CSMD1: variants seen among roughly 807,000 people sequenced by gnomAD.
The protein encoded by CSMD1 is CUB and sushi domain-containing protein 1.
In CSMD1, 213 loss-of-function variants were observed where a neutral mutation model predicts 417.5. The observed-to-expected ratio is 0.51, with a 90% CI of 0.46 to 0.57. The LOEUF (loss-of-function observed/expected upper bound fraction) is 0.57. Ranked by LOEUF, CSMD1 falls within the 20% of genes least tolerant of loss-of-function variation. The pLI is 0.00. For missense variants in CSMD1, 6,923 were observed against 4,529.7 expected (o/e 1.53, Z -15.17); for synonymous variants, 2,862 against 1,736.8 (o/e 1.65, Z -16.11).
intron 3 of CSMD1, among the ~76,000 whole-genome samples, chr8:4,071,215 C>G (rs1272166511): frequency 6.6e-6 from 1 of 151,796 alleles, no homozygotes; most frequent in Admixed American, 6.6e-5. Context: ...TCCGGAGTTT[C>G]AGCTAAACGT....
intron 1 of CSMD1, among the ~76,000 whole-genome samples, chr8:4,664,853 C>T (rs907016554): frequency 6.6e-6 from 1 of 151,996 alleles, no homozygotes; most frequent in African/African-American, 2.4e-5. Flanking sequence ...TACATCCATC[C>T]AAACTTTATA....
intron 25 of CSMD1, among the ~76,000 whole-genome samples, chr8:3,300,504 A>T (rs937324819): frequency 6.6e-6 from 1 of 152,084 alleles, no homozygotes; most frequent in Non-Finnish European, 1.5e-5. Flanking sequence ...GAAATGACTG[A>T]CTCTGCTTTA....
chr8:4,746,754 C>A (rs1386329840), intron 1 of CSMD1, among the ~76,000 whole-genome samples: 1 of 152,164 alleles, frequency 6.6e-6, no homozygotes, highest in Non-Finnish European at 1.5e-5. Context: ...GTAGAACCTT[C>A]ACTACAGCAG....
chr8:4,425,207 A>G (rs1389049878), intron 2 of CSMD1, among the ~76,000 whole-genome samples: 1 of 152,064 alleles, frequency 6.6e-6, no homozygotes, highest in Non-Finnish European at 1.5e-5. Flanking sequence ...TGGTCAAATG[A>G]TATTAGTTCA....
chr8:3,531,188 T>C (rs552101335), intron 10 of CSMD1, among the ~76,000 whole-genome samples: 2 of 152,184 alleles, frequency 1.3e-5, no homozygotes, highest in South Asian at 2.1e-4. Flanking sequence ...ATAAGCATAA[T>C]TTCTGGAGAT....
At chr8:3,991,701 C>T (rs922965572) in intron 5 of CSMD1, among the ~76,000 whole-genome samples, 2 of 152,096 alleles carry the variant, frequency 1.3e-5, no homozygotes. Flanking sequence ...GAGTGGAGTG[C>T]CGACACACTG....
chr8:3,450,201 G>T (rs945939434), intron 12 of CSMD1, among the ~76,000 whole-genome samples: 6 of 152,162 alleles, frequency 3.9e-5, no homozygotes, highest in Non-Finnish European at 8.8e-5. Context: ...TGATAAGATG[G>T]GCCTTAACAT....
At chr8:4,130,491 G>A (rs896633339) in intron 3 of CSMD1, among the ~76,000 whole-genome samples, 4 of 152,124 alleles carry the variant, frequency 2.6e-5, no homozygotes, top group Admixed American at 1.3e-4. Context: ...ACCCTGAGGC[G>A]AGTTGATTTG....
In CSMD1 at chr8:4,637,369, T is replaced by A. The variant is rs758620147; in HGVS notation, c.275A>T (p.Gln92Leu). Residue 92 changes from glutamine (Q) to leucine (L), a missense_variant, in exon 2 of 70, where the codon CAG (glutamine) becomes CTG (leucine). Gln to Leu is a moderately radical substitution (Grantham distance 113, BLOSUM62 -2). Coordinates refer to ENST00000635120, the MANE Select transcript of CSMD1 (RefSeq NM_033225.6). ...CACTTTTAAATTCCCTTGTTGAGGCTGTCCATCGTAAACTGATAAAATATC... is the reference window on the plus strand; with the variant it reads ...CACTTTTAAATTCCCTTGTTGAGGCAGTCCATCGTAAACTGATAAAATATC... The part of the protein sequence containing the change: ...DFDILSVYDG[Q>L]PQQGNLKVRL... The A allele has an allele frequency of 2.5e-6, 4 of 1,613,928 alleles. No individual in the cohort carries two copies. The highest frequency in any genetic ancestry group is 3.4e-6 in the Non-Finnish European group (4 of 1,179,792).
intron 23 of CSMD1, among the ~76,000 whole-genome samples, chr8:3,336,680 G>T (rs895038815): frequency 6.6e-6 from 1 of 152,134 alleles, no homozygotes; most frequent in African/African-American, 2.4e-5. Context: ...CCAGACAGAG[G>T]ACCCAGAGAC....
chr8:3,344,616 C>T, intron 22 of CSMD1, among the ~76,000 whole-genome samples: 1 of 152,098 alleles, frequency 6.6e-6, no homozygotes, highest in East Asian at 1.9e-4. Flanking sequence ...TTCAGTTTGT[C>T]TTAATAGAAA....
intron 5 of CSMD1, among the ~76,000 whole-genome samples, chr8:3,847,361 G>C (rs1023415295): frequency 6.6e-6 from 1 of 152,124 alleles, no homozygotes; most frequent in Non-Finnish European, 1.5e-5. Context: ...GAAGGAAGCA[G>C]AAGTGGTCCC....
At position 4,440,748 on chromosome 8, in the gene CSMD1, C is replaced by G. The variant is rs75874382; in HGVS notation, c.303-20683G>C. On this transcript the variant is annotated intron_variant, in intron 2 of 69. Coordinates refer to ENST00000635120, the MANE Select transcript of CSMD1 (RefSeq NM_033225.6). ...TGGTGGTTCATGCCTATAATCCCAG[C>G]ATTTTGGGAGGCCAGTGCGAGCAGA... Among the ~76,000 whole-genome samples the G allele has an allele frequency of 4.5e-3, 691 of 152,170 alleles. 6 individuals are homozygous for G. Among genetic ancestry groups the G allele is most frequent in the African/African-American group, 0.016 (653 of 41,520 alleles).
chr8:3,779,678 T>C (rs1303650462), intron 5 of CSMD1, among the ~76,000 whole-genome samples: 3 of 152,188 alleles, frequency 2.0e-5, no homozygotes, highest in African/African-American at 7.2e-5. Context: ...ATTTAAAATA[T>C]AGAAAACCAG....
intron 1 of CSMD1, among the ~76,000 whole-genome samples, chr8:4,724,177 T>G (rs535264316): frequency 6.6e-6 from 1 of 152,114 alleles, no homozygotes; most frequent in East Asian, 1.9e-4. Flanking sequence ...AGAATGCTTT[T>G]CATGAGTTTT....
chr8:3,306,246 T>C (rs1442284782), intron 25 of CSMD1, among the ~76,000 whole-genome samples: 1 of 152,040 alleles, frequency 6.6e-6, no homozygotes, highest in African/African-American at 2.4e-5. Flanking sequence ...AGGACAAAAA[T>C]CATTTGTTTA....
At chr8:3,849,886 G>C (rs547796147) in intron 5 of CSMD1, among the ~76,000 whole-genome samples, 2 of 152,256 alleles carry the variant, frequency 1.3e-5, no homozygotes, top group African/African-American at 2.4e-5. Context: ...CGCAATCTCA[G>C]CTTCCTGCAA....
At chr8:4,381,173 T>C (rs1563114170) in intron 3 of CSMD1, among the ~76,000 whole-genome samples, 2 of 152,192 alleles carry the variant, frequency 1.3e-5, no homozygotes, top group South Asian at 2.1e-4. Flanking sequence ...AAATATGTAT[T>C]ACAGTTCTCT....
chr8:3,226,357 C>A (rs1266955916), intron 27 of CSMD1, among the ~76,000 whole-genome samples: 11 of 151,922 alleles, frequency 7.2e-5, no homozygotes, highest in Admixed American at 7.2e-4. Context: ...CCAAGGTGGG[C>A]GGATCATCTG....
Sources: allele counts gnomAD v4.1 joint callset (sites outside exome capture counted in the v4.1 genomes callset), GRCh38; gene constraint gnomAD v4.1.1; transcripts MANE v1.5; gene names NCBI Gene and HGNC (gene_info 2026-07-23, HGNC 2026-07-21).